DHRS12: variants seen among roughly 807,000 people sequenced by gnomAD.
DHRS12 encodes the protein dehydrogenase/reductase 12, also known as dehydrogenase/reductase SDR family member 12.
In DHRS12, 29 loss-of-function variants were observed where a neutral mutation model predicts 32.1. That is an observed-to-expected ratio of 0.90 (90% CI 0.67 to 1.23). The LOEUF is 1.23. DHRS12 is among the 50% of genes most tolerant of loss of function. The pLI is 0.00. For synonymous variants in DHRS12, 150 were observed against 135.9 expected (o/e 1.10, Z -0.72); for missense variants, 330 against 337.2 (o/e 0.98, Z 0.17).
At chr13:51,793,604 T>C (rs1248980977) in intron 2 of DHRS12, among the ~76,000 whole-genome samples, 3 of 152,140 alleles carry the variant, frequency 2.0e-5, no homozygotes, top group Non-Finnish European at 2.9e-5. Context: ...CTTCAAAGGA[T>C]AGGAAAAATG....
chr13:51,767,998 G>C lies in DHRS12; in HGVS notation c.*189C>G. 1 of 1,410,096 alleles carries C rather than the reference G, an allele frequency of 7.1e-7. No homozygotes were observed. Among genetic ancestry groups the C allele is most frequent in the Admixed American group, 3.0e-5 (1 of 33,834 alleles). The allele number at this position is 1,410,096 out of a possible 1,614,324, so 87.3% of individuals were successfully genotyped here. A position where few individuals can be genotyped will look rare whatever the true frequency, so the allele number is the denominator to read the frequency against. On this transcript the variant is annotated 3_prime_UTR_variant, in exon 9 of 9. Coordinates refer to ENST00000444610, the MANE Select transcript of DHRS12 (RefSeq NM_001377533.1). ...AAAAGAACCTGCTGCAGGAGTTCAA[G>C]GTGAGCCTGATCACAGCCTCGGTAG...
chr13:51,780,044 G>A (rs1954629129), intron 4 of DHRS12, among the ~76,000 whole-genome samples: 2 of 152,066 alleles, frequency 1.3e-5, no homozygotes, highest in Admixed American at 1.3e-4. Context: ...GGGCATGGTG[G>A]CCCACACCTG....
At chr13:51,803,937 A>C in intron 1 of DHRS12, 117 bp downstream of exon 1, 1 of 972,914 alleles carries the variant, frequency 1.0e-6, no homozygotes, top group South Asian at 3.2e-5. Flanking sequence ...GGACACGCTT[A>C]GTCGGCCCAG....
chr13:51,773,423 T>C (rs1954135396), intron 6 of DHRS12, among the ~76,000 whole-genome samples: 1 of 152,038 alleles, frequency 6.6e-6, no homozygotes, highest in Non-Finnish European at 1.5e-5. Flanking sequence ...TCAAGATGAT[T>C]TGGATTTTGG....
intron 6 of DHRS12, 111 bp downstream of exon 6, chr13:51,773,819 G>T: frequency 1.1e-6 from 1 of 875,340 alleles, no homozygotes; most frequent in Non-Finnish European, 1.9e-6. Flanking sequence ...TTCAGGTGCT[G>T]CATGAACTAC....
chr13:51,775,805 T>G (rs1328492791), intron 5 of DHRS12: 1 of 99,872 alleles, frequency 1.0e-5, no homozygotes, highest in African/African-American at 5.7e-5. Flanking sequence ...TACAGTATTC[T>G]CCTACATGTA....
the DHRS12 span, chr13:51,758,251 A>G: frequency 6.2e-7 from 1 of 1,603,302 alleles, no homozygotes; most frequent in Non-Finnish European, 8.5e-7. Flanking sequence ...GTGCATTTCG[A>G]TGCAACCAGA....
intron 3 of DHRS12, among the ~76,000 whole-genome samples, 182 bp from the exon 4 acceptor site, chr13:51,790,274 T>C (rs1018395751): frequency 6.6e-6 from 1 of 152,170 alleles, no homozygotes; most frequent in African/African-American, 2.4e-5. Flanking sequence ...TGCAGAGGAT[T>C]CAGCCACAGA....
At chr13:51,756,224 C>A in the DHRS12 span, 1 of 1,473,342 alleles carries the variant, frequency 6.8e-7, no homozygotes, top group Non-Finnish European at 9.1e-7. Context: ...GTTCAGCATC[C>A]TCACCTGGAT....
chr13:51,771,262 G>T lies in DHRS12; in HGVS notation c.559+559C>A, dbSNP rs369787711. 2.5e-5 allele frequency: 39 copies of T among 1,552,480 alleles called. No homozygotes were observed. In the African/African-American group the frequency reaches 3.4e-4, roughly 14 times the overall value. ...TTTCAGTTCCCTTGTTTGTAGAGGA[G>T]GAAAGAGCTGCAGAGAGCCCAGGTG... is the stretch of plus-strand genomic sequence containing the variant. On this transcript the variant is annotated intron_variant, in intron 7 of 8. Coordinates refer to ENST00000444610, the MANE Select transcript of DHRS12 (RefSeq NM_001377533.1).
At chr13:51,792,373 A>G (rs550038716) in intron 2 of DHRS12, among the ~76,000 whole-genome samples, 6 of 151,960 alleles carry the variant, frequency 3.9e-5, no homozygotes, top group Non-Finnish European at 8.8e-5. Context: ...ATTTTTTCAT[A>G]TATGTGTTGG....
chr13:51,764,176 G>A (rs1029119881), downstream of DHRS12: 8 of 152,146 alleles, frequency 5.3e-5, no homozygotes, highest in African/African-American at 1.4e-4. Context: ...CATGTCAACC[G>A]TGTTGAGCGC....
rs948834391 is a variant in DHRS12 at position 51,804,046 on chromosome 13, C to A, written c.-9+8G>T. On this transcript the variant is annotated splice_region_variant and intron_variant, in intron 1 of 8. Coordinates refer to ENST00000444610, the MANE Select transcript of DHRS12 (RefSeq NM_001377533.1). ...CCCGGGGCCCCGCGCCCCGCCGCGC[C>A]GCCTTACTTGGTGTACTCGCGCAGC... The A allele has an allele frequency of 5.4e-6, 8 of 1,471,856 alleles. No individual in the cohort carries two copies. The highest frequency in any genetic ancestry group is 6.3e-6 in the Non-Finnish European group (7 of 1,117,902). 91.2% of individuals were successfully genotyped at this position (1,471,856 alleles called of 1,614,324 possible).
Position 51,771,809 on chromosome 13 carries a change from G to A in DHRS12, c.559+12C>T. On this transcript the variant is annotated intron_variant, in intron 7 of 8. Transcript: ENST00000444610. ...AACGTAAGTGGCTCAGCAATTAAAG[G>A]CTATGACATACCTGGGGTGTCGGCC... The A allele has an allele frequency of 6.2e-7, 1 of 1,613,930 alleles. No individual in the cohort carries two copies.
At chr13:51,798,396 T>C (rs1566309193) in intron 2 of DHRS12, among the ~76,000 whole-genome samples, 2 of 152,232 alleles carry the variant, frequency 1.3e-5, no homozygotes, top group East Asian at 1.9e-4. Context: ...GTTGAGTCCA[T>C]CAGCAGCCCT....
chr13:51,799,465 C>T, intron 2 of DHRS12, 69 bp downstream of exon 2: 1 of 1,585,946 alleles, frequency 6.3e-7, no homozygotes. Flanking sequence ...ACAGGGTGCC[C>T]TCCTCAGTGT....
At chr13:51,787,955 T>A (rs1955070802) in intron 4 of DHRS12, among the ~76,000 whole-genome samples, 1 of 137,934 alleles carries the variant, frequency 7.2e-6, no homozygotes. Context: ...ATATATAATA[T>A]ACATATATAT....
chr13:51,771,514 T>C, intron 7 of DHRS12: 1 of 1,613,598 alleles, frequency 6.2e-7, no homozygotes, highest in African/African-American at 1.3e-5. Context: ...GAAATGACAA[T>C]GGTCACCGGC....
chr13:51,783,301 A>C (rs371610496), intron 4 of DHRS12, among the ~76,000 whole-genome samples: 35 of 152,102 alleles, frequency 2.3e-4, no homozygotes, highest in African/African-American at 8.0e-4. Flanking sequence ...ATCTGCCCCC[A>C]CCTCAAGCTG....
Sources: allele counts gnomAD v4.1 joint callset (sites outside exome capture counted in the v4.1 genomes callset), GRCh38; gene constraint gnomAD v4.1.1; transcripts MANE v1.5; gene names NCBI Gene and HGNC (gene_info 2026-07-23, HGNC 2026-07-21).